Variants in CA10 observed in about 807,000 individuals in gnomAD.
CA10 encodes carbonic anhydrase 10 (inactive).
In CA10, 14 loss-of-function variants were observed where a neutral mutation model predicts 44.2. The observed-to-expected ratio is 0.32, with a 90% CI of 0.21 to 0.50. The LOEUF (loss-of-function observed/expected upper bound fraction) is 0.50. Ranked by LOEUF, CA10 falls within the 20% of genes least tolerant of loss-of-function variation. The pLI is 0.99. For missense variants in CA10, 350 were observed against 409.7 expected (o/e 0.85, Z 1.26); for synonymous variants, 159 against 141.6 (o/e 1.12, Z -0.87).
chr17:51,753,689 G>T (rs541395049), intron 3 of CA10, among the ~76,000 whole-genome samples: 1 of 152,232 alleles, frequency 6.6e-6, no homozygotes, highest in South Asian at 2.1e-4. Context: ...ATATGTGGAG[G>T]GAAGGCCTCC....
chr17:52,128,791 T>C lies in CA10; in HGVS notation c.61+28935A>G, dbSNP rs144951244. 1.1e-3 allele frequency among the ~76,000 whole-genome samples: 170 copies of C among 152,334 alleles called. 1 individual carries two copies. The highest frequency in any genetic ancestry group is 3.6e-3 in the African/African-American group (149 of 41,582). On this transcript the variant is annotated intron_variant, in intron 1 of 8. Coordinates refer to ENST00000451037, the MANE Select transcript of CA10 (RefSeq NM_020178.5). ...ACCCCAGATTTTAGTCTTTTGGGCATGCCTTTATTCTGCTTTCCAGCTCAG... is the reference window on the plus strand; with the variant it reads ...ACCCCAGATTTTAGTCTTTTGGGCACGCCTTTATTCTGCTTTCCAGCTCAG...
intron 2 of CA10, among the ~76,000 whole-genome samples, chr17:51,972,401 A>G (rs967715756): frequency 1.4e-5 from 2 of 138,864 alleles, no homozygotes; most frequent in Non-Finnish European, 3.2e-5. Context: ...TAAGTTTTGT[A>G]CAATGCACTT....
At chr17:51,671,518 C>T (rs1375189710) in intron 4 of CA10, among the ~76,000 whole-genome samples, 1 of 152,202 alleles carries the variant, frequency 6.6e-6, no homozygotes, top group East Asian at 1.9e-4. Context: ...CGTTCTCCTG[C>T]CTCAGCCTCC....
chr17:52,136,664 G>T (rs750931096), intron 1 of CA10, among the ~76,000 whole-genome samples: 2 of 152,120 alleles, frequency 1.3e-5, no homozygotes, highest in African/African-American at 4.8e-5. Flanking sequence ...TAGAAATAGG[G>T]TCCTGGAGAG....
intron 3 of CA10, among the ~76,000 whole-genome samples, chr17:51,875,457 A>T (rs1466701218): frequency 6.6e-6 from 1 of 152,176 alleles, no homozygotes. Flanking sequence ...TTTGAACTTA[A>T]AAGTCATTTA....
At chr17:52,020,822 A>C (rs1986115371) in intron 2 of CA10, among the ~76,000 whole-genome samples, 1 of 151,970 alleles carries the variant, frequency 6.6e-6, no homozygotes, top group Non-Finnish European at 1.5e-5. Context: ...TACCCCCTCC[A>C]GTGTCCCTAG....
intron 3 of CA10, among the ~76,000 whole-genome samples, chr17:51,831,733 A>AGCAGCAGCAGCAGCAGCCGCAGC (rs1567854687): frequency 2.5e-5 from 3 of 121,522 alleles, no homozygotes; most frequent in African/African-American, 1.2e-4. Context: ...GCAGCAGCAG[A>AGCAGCAGCAGCAGCAGCCGCAGC]AAAAGACCTT....
chr17:51,673,273 G>A (rs1333558757), intron 4 of CA10, among the ~76,000 whole-genome samples: 1 of 152,170 alleles, frequency 6.6e-6, no homozygotes, highest in East Asian at 1.9e-4. Context: ...GATGGCCCCA[G>A]GCAATTCATG....
At chr17:51,954,547 C>A (rs1385748230) in intron 2 of CA10, among the ~76,000 whole-genome samples, 2 of 152,150 alleles carry the variant, frequency 1.3e-5, no homozygotes, top group Non-Finnish European at 2.9e-5. Context: ...AATAAAAAAG[C>A]TAAGGCACTA....
intron 2 of CA10, among the ~76,000 whole-genome samples, chr17:52,000,365 T>C (rs1430402623): frequency 6.6e-6 from 1 of 152,100 alleles, no homozygotes; most frequent in Non-Finnish European, 1.5e-5. Context: ...TCAAGTGCTT[T>C]CACAGATAGT....
At chr17:52,108,194 T>TATATATATATATATATA (rs1567735876) in intron 1 of CA10, among the ~76,000 whole-genome samples, 30 of 57,984 alleles carry the variant, frequency 5.2e-4, no homozygotes, top group Non-Finnish European at 5.8e-4. Flanking sequence ...TATATATTTT[T>TATATATATATATATATA]TATATATATA....
At chr17:51,713,065 C>T (rs1376682122) in intron 4 of CA10, among the ~76,000 whole-genome samples, 1 of 152,152 alleles carries the variant, frequency 6.6e-6, no homozygotes. Context: ...GAAACTCAGC[C>T]AAACAGTAAA....
In CA10 at chr17:51,716,094, T is replaced by C. The variant is rs568815371; in HGVS notation, c.465+31539A>G. Among the ~76,000 whole-genome samples the C allele has an allele frequency of 2.6e-5, 4 of 152,264 alleles. No homozygotes were observed. In the South Asian group the frequency reaches 6.2e-4, roughly 24 times the overall value. The stretch of plus-strand genomic sequence containing the variant: ...CTCTGGTAATCATCCTCCAGGTAAT[T>C]TGATTCAGAATTTTGTGTTTGTTTT... On this transcript the variant is annotated intron_variant, in intron 4 of 8. Coordinates refer to ENST00000451037, the MANE Select transcript of CA10 (RefSeq NM_020178.5).
intron 1 of CA10, among the ~76,000 whole-genome samples, chr17:52,152,432 CTT>C (rs2143415452): frequency 6.6e-6 from 1 of 152,200 alleles, no homozygotes; most frequent in African/African-American, 2.4e-5. Flanking sequence ...CGTACATCCT[CTT>C]GTTTCTATTC....
At chr17:51,789,907 G>A (rs191930376) in intron 3 of CA10, among the ~76,000 whole-genome samples, 3 of 152,288 alleles carry the variant, frequency 2.0e-5, no homozygotes, top group Non-Finnish European at 2.9e-5. Context: ...GATGAAGATC[G>A]GTGATGTCCC....
chr17:51,985,617 AC>A (rs1984806481), intron 2 of CA10, among the ~76,000 whole-genome samples: 1 of 151,784 alleles, frequency 6.6e-6, no homozygotes, highest in Non-Finnish European at 1.5e-5. Context: ...AACCCTAAAG[AC>A]TCCTCCAAAA....
intron 4 of CA10, among the ~76,000 whole-genome samples, chr17:51,717,728 CATATATACGT>C (rs1384922212): frequency 5.3e-5 from 1 of 18,998 alleles, no homozygotes; most frequent in African/African-American, 1.5e-4. Flanking sequence ...CGTATATATA[CATATATACGT>C]ATATATACAT....
intron 3 of CA10, among the ~76,000 whole-genome samples, chr17:51,868,206 C>T (rs910927561): frequency 9.2e-5 from 14 of 152,042 alleles, no homozygotes; most frequent in East Asian, 1.9e-4. Flanking sequence ...TGGTGAACCA[C>T]GGTAATCTCT....
intron 3 of CA10, among the ~76,000 whole-genome samples, chr17:51,879,569 C>A (rs911231201): frequency 5.3e-5 from 8 of 152,142 alleles, no homozygotes; most frequent in African/African-American, 1.7e-4. Context: ...AACGAAAACT[C>A]TAGAAAACAG....
Sources: allele counts gnomAD v4.1 joint callset (sites outside exome capture counted in the v4.1 genomes callset), GRCh38; gene constraint gnomAD v4.1.1; transcripts MANE v1.5; gene names NCBI Gene and HGNC (gene_info 2026-07-23, HGNC 2026-07-21).